RALGPS2: variants seen among roughly 807,000 people sequenced by gnomAD.
The protein encoded by RALGPS2 is Ral GEF with PH domain and SH3 binding motif 2.
In RALGPS2, 43 loss-of-function variants were observed where a neutral mutation model predicts 86.8. The observed-to-expected ratio is 0.50, with a 90% confidence interval of 0.39 to 0.64. The LOEUF is 0.64. RALGPS2 is among the 30% of genes least tolerant of loss of function. The pLI is 0.00. For synonymous variants in RALGPS2, 243 were observed against 231.3 expected (o/e 1.05, Z -0.46); for missense variants, 536 against 694.6 (o/e 0.77, Z 2.57).
At chr1:178,745,598 T>C (rs1476000936) in intron 1 of RALGPS2, among the ~76,000 whole-genome samples, 1 of 152,178 alleles carries the variant, frequency 6.6e-6, no homozygotes, top group Non-Finnish European at 1.5e-5. Flanking sequence ...CTTCAGTCTG[T>C]ATCTTGCACT....
chr1:178,745,516 C>T (rs1651266694), intron 1 of RALGPS2, among the ~76,000 whole-genome samples: 1 of 152,180 alleles, frequency 6.6e-6, no homozygotes, highest in Non-Finnish European at 1.5e-5. Context: ...AAAGGCAGTT[C>T]AGCAGAGAAA....
At chr1:178,767,235 G>C (rs1337307843) in intron 1 of RALGPS2, among the ~76,000 whole-genome samples, 2 of 152,048 alleles carry the variant, frequency 1.3e-5, no homozygotes, top group East Asian at 3.8e-4. Context: ...ATGAATAATT[G>C]CTGGGGAACC....
chr1:178,791,581 G>A (rs1653959390), intron 4 of RALGPS2, among the ~76,000 whole-genome samples: 1 of 152,142 alleles, frequency 6.6e-6, no homozygotes, highest in South Asian at 2.1e-4. Context: ...GTTGCAGATT[G>A]GTGATTGAAC....
chr1:178,911,759 A>G (rs1355122277), intron 19 of RALGPS2, among the ~76,000 whole-genome samples: 1 of 152,288 alleles, frequency 6.6e-6, no homozygotes, highest in African/African-American at 2.4e-5. Flanking sequence ...TAAGTCCAGA[A>G]CATTTTTGTT....
In RALGPS2 at chr1:178,889,478, C is replaced by G. The variant is rs182191641; in HGVS notation, c.1193-164C>G. On this transcript the variant is annotated intron_variant, in intron 13 of 19. Transcript: ENST00000367635. ...TATTCCAATATATTGCAAAATAAAC[C>G]TAACAGCAGTAATATTAGAATAAAG... is the stretch of plus-strand genomic sequence containing the variant. Among the ~76,000 whole-genome samples, 440 of 151,978 alleles carry G rather than the reference C, an allele frequency of 2.9e-3. 2 individuals are homozygous for G. Among genetic ancestry groups the G allele is most frequent in the Non-Finnish European group, 3.3e-3 (221 of 67,886 alleles).
intron 4 of RALGPS2, among the ~76,000 whole-genome samples, chr1:178,795,406 T>C (rs1654143244): frequency 1.3e-5 from 2 of 152,072 alleles, no homozygotes; most frequent in Admixed American, 6.6e-5. Context: ...AATTAAAATA[T>C]TTCTTGTTTG....
chr1:178,906,207 T>C (rs914576818), intron 18 of RALGPS2, among the ~76,000 whole-genome samples: 1 of 152,078 alleles, frequency 6.6e-6, no homozygotes, highest in African/African-American at 2.4e-5. Flanking sequence ...ACCCCGTCTC[T>C]ACTAAAAATA....
chr1:178,814,059 T>C (rs963353533), intron 6 of RALGPS2, among the ~76,000 whole-genome samples: 3 of 152,250 alleles, frequency 2.0e-5, no homozygotes, highest in African/African-American at 7.2e-5. Flanking sequence ...CCTCTTCATA[T>C]GCCACCTCCT....
intron 2 of RALGPS2, 96 bp from the exon 3 acceptor site, chr1:178,784,322 A>G (rs1001625612): frequency 2.5e-6 from 2 of 804,918 alleles, no homozygotes; most frequent in South Asian, 2.8e-5. Context: ...TTGTTAACCT[A>G]CTGTTTTGTT....
chr1:178,851,125 C>G (rs1185056430), intron 8 of RALGPS2: 4 of 1,609,864 alleles, frequency 2.5e-6, no homozygotes, highest in African/African-American at 2.7e-5. Flanking sequence ...GCGAGTGTCT[C>G]TCTTCAGTCA....
intron 16 of RALGPS2, chr1:178,894,253 TC>T (rs1659843060): frequency 3.0e-6 from 1 of 335,438 alleles, no homozygotes; most frequent in Non-Finnish European, 5.4e-6. Flanking sequence ...GGAACATGTT[TC>T]TGTTCATGTC....
At chr1:178,840,242 T>C (rs1656524567) in intron 8 of RALGPS2, among the ~76,000 whole-genome samples, 1 of 152,172 alleles carries the variant, frequency 6.6e-6, no homozygotes, top group Non-Finnish European at 1.5e-5. Context: ...ATTGACCACA[T>C]AGTTGGAAGT....
intron 8 of RALGPS2, among the ~76,000 whole-genome samples, chr1:178,844,021 A>G (rs1034746931): frequency 6.6e-6 from 1 of 152,176 alleles, no homozygotes; most frequent in Non-Finnish European, 1.5e-5. Flanking sequence ...ATCCTTTTCT[A>G]TTCATGTGAA....
At chr1:178,807,166 C>G (rs1654785116) in intron 4 of RALGPS2, among the ~76,000 whole-genome samples, 1 of 152,032 alleles carries the variant, frequency 6.6e-6, no homozygotes, top group African/African-American at 2.4e-5. Flanking sequence ...GACCCTGTCT[C>G]TACAAAAAAT....
At chr1:178,792,750 T>C (rs989833475) in intron 4 of RALGPS2, among the ~76,000 whole-genome samples, 2 of 152,230 alleles carry the variant, frequency 1.3e-5, no homozygotes, top group African/African-American at 2.4e-5. Context: ...CCTTGGTTTT[T>C]ACTGTTCCCC....
At chr1:178,815,076 T>C (rs1383335850) in intron 6 of RALGPS2, among the ~76,000 whole-genome samples, 2 of 152,000 alleles carry the variant, frequency 1.3e-5, no homozygotes, top group Non-Finnish European at 2.9e-5. Flanking sequence ...TTTTGTTTGT[T>C]TGTTTTTATT....
intron 1 of RALGPS2, among the ~76,000 whole-genome samples, chr1:178,745,813 T>C (rs989822581): frequency 6.7e-6 from 1 of 150,210 alleles, no homozygotes; most frequent in Non-Finnish European, 1.5e-5. Context: ...AAAAGAGAAT[T>C]CAATTCTTCT....
intron 7 of RALGPS2, among the ~76,000 whole-genome samples, chr1:178,826,514 A>G (rs1290834918): frequency 6.6e-6 from 1 of 152,172 alleles, no homozygotes; most frequent in Non-Finnish European, 1.5e-5. Flanking sequence ...AATCAAATTC[A>G]TACAGACAGA....
At chr1:178,887,419 C>T (rs993887359) in intron 13 of RALGPS2, among the ~76,000 whole-genome samples, 3 of 152,288 alleles carry the variant, frequency 2.0e-5, no homozygotes, top group East Asian at 1.9e-4. Context: ...CAGCACTGCA[C>T]TACCCTGCCT....
Sources: allele counts gnomAD v4.1 joint callset (sites outside exome capture counted in the v4.1 genomes callset), GRCh38; gene constraint gnomAD v4.1.1; transcripts MANE v1.5; gene names NCBI Gene and HGNC (gene_info 2026-07-23, HGNC 2026-07-21).